Variants in ATXN7L1 observed in about 807,000 individuals in gnomAD.
The protein encoded by ATXN7L1 is ataxin-7-like protein 1.
ATXN7L1 carries 15 observed loss-of-function variants against 70.8 expected under a neutral mutation model. That is an observed-to-expected ratio of 0.21 (90% CI 0.14 to 0.33). ATXN7L1 has a LOEUF of 0.33. Ranked by LOEUF, ATXN7L1 falls within the 10% of genes least tolerant of loss-of-function variation. The pLI, the probability that ATXN7L1 is intolerant of heterozygous loss-of-function variation, is 1.00. For missense variants in ATXN7L1, 975 were observed against 1,097.1 expected, an observed-to-expected ratio of 0.89 and a Z score of 1.57; for synonymous variants, 440 against 445.1, an observed-to-expected ratio of 0.99 and a Z score of 0.14.
At chr7:105,627,258 A>G (rs759994662) in intron 7 of ATXN7L1, among the ~76,000 whole-genome samples, 1 of 152,168 alleles carries the variant, frequency 6.6e-6, no homozygotes, top group Non-Finnish European at 1.5e-5. Flanking sequence ...TTTTAGAGAT[A>G]GGATCTTGCT....
At chr7:105,806,652 G>T (rs1368454234) in intron 2 of ATXN7L1, among the ~76,000 whole-genome samples, 2 of 152,160 alleles carry the variant, frequency 1.3e-5, no homozygotes, top group East Asian at 1.9e-4. Context: ...CAGGGTTAAG[G>T]CTAGAATTTG....
In ATXN7L1 at chr7:105,702,102, C is replaced by T. The variant is rs148585882; in HGVS notation, c.356-36814G>A. Among the ~76,000 whole-genome samples the T allele has an allele frequency of 1.2e-3, 188 of 152,286 alleles. 1 individual carries two copies. Among genetic ancestry groups the T allele is most frequent in the African/African-American group, 4.3e-3 (177 of 41,552 alleles). On this transcript the variant is annotated intron_variant, in intron 3 of 11. Coordinates refer to ENST00000419735, the MANE Select transcript of ATXN7L1 (RefSeq NM_020725.2). ...AGCCAGAGTCAATTCAAGTGTAAAA[C>T]AATGTTAGTTTAAAGATGGGAATGA... is the stretch of plus-strand genomic sequence containing the variant.
intron 3 of ATXN7L1, among the ~76,000 whole-genome samples, chr7:105,677,438 G>A (rs1391810870): frequency 2.0e-5 from 3 of 152,138 alleles, no homozygotes; most frequent in Non-Finnish European, 4.4e-5. Flanking sequence ...CACATCACAC[G>A]CTGTAATTAC....
At chr7:105,623,359 A>T (rs1795213702) in intron 8 of ATXN7L1, among the ~76,000 whole-genome samples, 1 of 152,200 alleles carries the variant, frequency 6.6e-6, no homozygotes, top group Admixed American at 6.5e-5. Context: ...AGCACCAGGC[A>T]TTCCCTCCTC....
At chr7:105,708,185 C>T (rs1793419599) in intron 3 of ATXN7L1, among the ~76,000 whole-genome samples, 1 of 152,126 alleles carries the variant, frequency 6.6e-6, no homozygotes, top group African/African-American at 2.4e-5. Flanking sequence ...GCTGTGGACC[C>T]AGAGGCCTGC....
At chr7:105,756,578 A>G (rs2116399751) in intron 3 of ATXN7L1, among the ~76,000 whole-genome samples, 1 of 152,340 alleles carries the variant, frequency 6.6e-6, no homozygotes. Context: ...ACCTGGATGT[A>G]GCAAAAACCT....
chr7:105,789,102 C>T (rs986160925), intron 2 of ATXN7L1, among the ~76,000 whole-genome samples: 2 of 152,228 alleles, frequency 1.3e-5, no homozygotes, highest in South Asian at 2.1e-4. Flanking sequence ...GCATAAGCAG[C>T]GGTCCCTCAG....
intron 4 of ATXN7L1, among the ~76,000 whole-genome samples, chr7:105,643,563 C>T (rs1798564768): frequency 6.6e-6 from 1 of 152,234 alleles, no homozygotes; most frequent in Non-Finnish European, 1.5e-5. Context: ...CCAGCCCGGC[C>T]CGGATCGGGC....
chr7:105,659,435 A>G (rs908868810), intron 4 of ATXN7L1, among the ~76,000 whole-genome samples: 8 of 152,212 alleles, frequency 5.3e-5, no homozygotes. Flanking sequence ...GGAAGACAGG[A>G]AGTGGAGTCT....
At chr7:105,875,638 A>G (rs1171054189) in intron 2 of ATXN7L1, among the ~76,000 whole-genome samples, 174 bp downstream of exon 2, 1 of 6,100 alleles carries the variant, frequency 1.6e-4, no homozygotes, top group Non-Finnish European at 4.0e-4. Context: ...CCCCCCCCCC[A>G]GTTGTATTTA....
At chr7:105,737,528 C>CGTGTGTGTGT (rs71520935) in intron 3 of ATXN7L1, among the ~76,000 whole-genome samples, 1,616 of 148,668 alleles carry the variant, frequency 0.011, 29 homozygotes, top group East Asian at 0.029. Context: ...CTAACGTCCC[C>CGTGTGTGTGT]GTGTGTGTGT....
At position 105,643,101 on chromosome 7, in the gene ATXN7L1, C is replaced by G; in HGVS notation, c.599G>C (p.Ser200Thr). 1 of 1,533,450 alleles carries G rather than the reference C, an allele frequency of 6.5e-7. No individual in the cohort carries two copies. The highest frequency in any genetic ancestry group is 8.8e-7 in the Non-Finnish European group (1 of 1,135,766). 95.0% of individuals were successfully genotyped at this position (1,533,450 alleles called of 1,614,324 possible). A position where few individuals can be genotyped will look rare whatever the true frequency, so the allele number is the denominator to read the frequency against. ...DKPCVPVPVV[S>T]LEKIPNLVKA... The stretch of plus-strand genomic sequence containing the variant: ...CACTAGGTTAGGAATTTTCTCTAAA[C>G]TGACTACAGGAACTGGAACACTGAA... The change falls in exon 5 of 12, where the codon AGT becomes ACT. Residue 200 changes from serine to threonine, a missense_variant. This residue lies in a region of ATXN7L1 where 192 missense variants were observed against 215.5 expected (regional missense o/e 0.89). Transcript: ENST00000419735.
intron 3 of ATXN7L1, among the ~76,000 whole-genome samples, chr7:105,760,016 T>G (rs1044370021): frequency 2.0e-5 from 3 of 152,292 alleles, no homozygotes; most frequent in African/African-American, 7.2e-5. Context: ...CCCCTCATTC[T>G]CCTGCCTGCT....
chr7:105,841,122 G>C (rs1447031455), intron 2 of ATXN7L1, among the ~76,000 whole-genome samples: 1 of 152,220 alleles, frequency 6.6e-6, no homozygotes, highest in Non-Finnish European at 1.5e-5. Context: ...CAGTGTTTTT[G>C]TTTATAAGAC....
chr7:105,783,562 A>C (rs916285263), intron 3 of ATXN7L1, among the ~76,000 whole-genome samples: 5 of 152,154 alleles, frequency 3.3e-5, no homozygotes, highest in African/African-American at 1.2e-4. Context: ...TGGAACCTCC[A>C]AAAAACCCTA....
chr7:105,699,133 CT>C lies in ATXN7L1; in HGVS notation c.356-33846del, dbSNP rs952283617. Reference sequence around the variant, plus strand: ...TCCAAAAGATCTTCATTCCACTGTACTTTTTTTTTTTCTTTTTGGGGTGGAA... The same window carrying C: ...TCCAAAAGATCTTCATTCCACTGTACTTTTTTTTTTCTTTTTGGGGTGGAA... On this transcript the variant is annotated intron_variant, in intron 3 of 11. Transcript: ENST00000419735. 1.6e-3 allele frequency among the ~76,000 whole-genome samples: 230 copies of C among 146,934 alleles called. 1 individual carries two copies. Among genetic ancestry groups the C allele is most frequent in the South Asian group, 4.1e-3 (19 of 4,610 alleles).
chr7:105,772,208 G>A (rs1462325822), intron 3 of ATXN7L1, among the ~76,000 whole-genome samples: 1 of 151,626 alleles, frequency 6.6e-6, no homozygotes, highest in African/African-American at 2.4e-5. Flanking sequence ...TGAGTAGCTG[G>A]GATTACAGGC....
intron 9 of ATXN7L1, among the ~76,000 whole-genome samples, chr7:105,618,509 G>A (rs1455202074): frequency 6.6e-6 from 1 of 152,214 alleles, no homozygotes; most frequent in Admixed American, 6.5e-5. Flanking sequence ...TCTCCTAGAA[G>A]TTCAGGTCTG....
chr7:105,737,927 A>G (rs1797589581), intron 3 of ATXN7L1, among the ~76,000 whole-genome samples: 1 of 152,136 alleles, frequency 6.6e-6, no homozygotes, highest in African/African-American at 2.4e-5. Context: ...AGGATTCTGT[A>G]CTATGTAATC....
Sources: allele counts gnomAD v4.1 joint callset (sites outside exome capture counted in the v4.1 genomes callset), GRCh38; gene constraint gnomAD v4.1.1; regional missense constraint gnomAD v4.1.1; transcripts MANE v1.5; gene names NCBI Gene and HGNC (gene_info 2026-07-23, HGNC 2026-07-21).